The following TBC1D25 variants were observed in gnomAD, a reference collection of about 807,000 sequenced individuals.
The protein encoded by TBC1D25 is TBC1 domain family member 25.
Under a neutral mutation model 38.8 loss-of-function variants are expected in TBC1D25, and 13 were observed. The observed-to-expected ratio is 0.34, with a 90% CI of 0.22 to 0.53. The LOEUF (loss-of-function observed/expected upper bound fraction) is 0.53. Among genes scored for constraint, TBC1D25 ranks in the 20% least tolerant of loss-of-function variants. The probability of loss-of-function intolerance (pLI) is 0.94; values close to 1 mark genes in which losing one functional copy is unlikely to be tolerated. For missense variants in TBC1D25, 372 were observed against 600.0 expected (o/e 0.62, Z 3.97); for synonymous variants, 225 against 255.6 (o/e 0.88, Z 1.14).
intron 3 of TBC1D25, among the ~76,000 whole-genome samples, chrX:48,555,222 G>A (rs782583524): frequency 9.0e-6 from 1 of 111,183 alleles, no homozygotes; most frequent in East Asian, 2.8e-4. Context: ...AGAGGAGGAG[G>A]CCATGTCTAG....
chrX:48,559,566 A>G (rs2062004193), intron 5 of TBC1D25, 48 bp from the exon 6 acceptor site: 3 of 1,180,335 alleles, frequency 2.5e-6, no homozygotes, highest in Non-Finnish European at 3.4e-6. Context: ...ACATTGGGGT[A>G]TGGTTTATCT....
chrX:48,543,871 GAGACT>G (rs2061861623), intron 2 of TBC1D25, among the ~76,000 whole-genome samples: 4 of 94,656 alleles, frequency 4.2e-5, no homozygotes, highest in African/African-American at 1.8e-4. Context: ...GCGACAGAGT[GAGACT>G]CCGTCTCAAA....
At chrX:48,558,855 T>C in intron 3 of TBC1D25, 42 bp from the exon 4 acceptor site, 3 of 1,207,071 alleles carry the variant, frequency 2.5e-6, no homozygotes, top group Non-Finnish European at 3.4e-6. Context: ...GAGGTCTGGG[T>C]TATCATCCCC....
At position 48,559,698 on chromosome X, in the gene TBC1D25, G is replaced by A. The variant is rs1556985480; in HGVS notation, c.790G>A (p.Glu264Lys). Residue 264 changes from glutamate (E) to lysine (K), a missense_variant, in exon 6 of 6, where the codon GAG (glutamate) becomes AAG (lysine). Transcript: ENST00000376771. Reference protein sequence around the residue: ...RMDYMKRKSREYEQLKSEWAQ... With the variant: ...RMDYMKRKSRKYEQLKSEWAQ... ...GGACTACATGAAACGCAAGAGCCGC[G>A]AGTATGAGCAGCTCAAGAGCGAGTG... is the stretch of plus-strand genomic sequence containing the variant. The A allele has an allele frequency of 1.7e-6, 2 of 1,212,028 alleles. No homozygotes were observed. The highest frequency in any genetic ancestry group is 1.7e-5 in the African/African-American group (1 of 57,892).
At chrX:48,543,490 C>G (rs1416359601) in intron 2 of TBC1D25, among the ~76,000 whole-genome samples, 1 of 106,827 alleles carries the variant, frequency 9.4e-6, no homozygotes, top group Non-Finnish European at 1.9e-5. Flanking sequence ...CCGCCTCAGC[C>G]TCCCAAAGTG....
intron 1 of TBC1D25, 97 bp downstream of exon 1, chrX:48,540,017 G>T: frequency 2.2e-6 from 2 of 925,213 alleles, no homozygotes. Flanking sequence ...TGAGATTTCG[G>T]ACATAACCTG....
At chrX:48,546,279 C>T (rs1351478264) in intron 3 of TBC1D25, among the ~76,000 whole-genome samples, 30 of 104,241 alleles carry the variant, frequency 2.9e-4, no homozygotes, top group Non-Finnish European at 4.3e-4. Context: ...TTTAGGAGGC[C>T]GAGGCGGGCA....
chrX:48,552,884 G>A (rs2061946346), intron 3 of TBC1D25, among the ~76,000 whole-genome samples: 1 of 109,167 alleles, frequency 9.2e-6, no homozygotes, highest in Admixed American at 1.0e-4. Context: ...CCTCTTCCCA[G>A]GTTCAAGCAA....
At chrX:48,547,759 G>A (rs2061898442) in intron 3 of TBC1D25, among the ~76,000 whole-genome samples, 2 of 111,025 alleles carry the variant, frequency 1.8e-5, no homozygotes, top group East Asian at 5.7e-4. Context: ...CAAACATGGC[G>A]AAACCCTGTC....
At chrX:48,558,703 C>T in intron 3 of TBC1D25, among the ~76,000 whole-genome samples, 194 bp from the exon 4 acceptor site, 1 of 111,950 alleles carries the variant, frequency 8.9e-6, no homozygotes, top group Non-Finnish European at 1.9e-5. Context: ...CCAGCCAGTT[C>T]CTGAGACATC....
At chrX:48,547,139 G>T (rs1158256769) in intron 3 of TBC1D25, among the ~76,000 whole-genome samples, 2 of 112,054 alleles carry the variant, frequency 1.8e-5, no homozygotes, top group Non-Finnish European at 3.8e-5. Context: ...TATAGATGAG[G>T]AAACTGAGGC....
Position 48,560,697 on chromosome X carries a change from C to T in TBC1D25, c.1789C>T (p.Leu597=), listed in dbSNP as rs1214506958. 8.3e-7 allele frequency: 1 copy of T among 1,210,513 alleles called. No homozygotes were observed. The highest frequency in any genetic ancestry group is 1.1e-6 in the Non-Finnish European group (1 of 895,304). Residue 597 remains leucine (L), a synonymous_variant, in exon 6 of 6, where the codon CTG becomes TTG. Coordinates refer to ENST00000376771, the MANE Select transcript of TBC1D25 (RefSeq NM_002536.4). ...VGSPKDPGKS[L]PPVPPMGLPP... ...CTCCCCGAAAGACCCTGGAAAGTCC[C>T]TGCCACCTGTACCACCAATGGGCCT...
chrX:48,539,726 G>A lies in TBC1D25; in HGVS notation c.-72G>A, dbSNP rs77810867. On this transcript the variant is annotated 5_prime_UTR_variant, in exon 1 of 6. Coordinates refer to ENST00000376771, the MANE Select transcript of TBC1D25 (RefSeq NM_002536.4). ...CCCGGCACGAGGTGGGGCGGCGGGC[G>A]TCAGTACAGTAGAGTGTGCGCCGGG... The A allele has an allele frequency of 0.067, 62,115 of 932,780 alleles. 1,672 individuals carry two copies. The highest frequency in any genetic ancestry group is 0.075 in the Non-Finnish European group (56,794 of 752,787). The allele number at this position is 932,780 out of a possible 1,213,427, so 76.9% of individuals were successfully genotyped here.
intron 3 of TBC1D25, among the ~76,000 whole-genome samples, chrX:48,553,664 G>A (rs1343008015): frequency 6.2e-5 from 6 of 96,275 alleles, no homozygotes; most frequent in Non-Finnish European, 1.0e-4. Flanking sequence ...TTTCCCAGGC[G>A]GGAGTGCAGT....
chrX:48,544,778 C>G, intron 2 of TBC1D25, 91 bp from the exon 3 acceptor site: 434 of 1,002,568 alleles, frequency 4.3e-4, no homozygotes, highest in Non-Finnish European at 5.4e-4. Flanking sequence ...GTTTTCAACG[C>G]CTTCTATATT....
chrX:48,554,659 C>T (rs1556984166), intron 3 of TBC1D25, among the ~76,000 whole-genome samples: 1 of 109,491 alleles, frequency 9.1e-6, no homozygotes. Flanking sequence ...TCCTTCATCT[C>T]AGGGAAATTT....
chrX:48,555,490 C>CTTTGGGAG (rs2061968189), intron 3 of TBC1D25, among the ~76,000 whole-genome samples: 1 of 112,481 alleles, frequency 8.9e-6, no homozygotes, highest in Middle Eastern at 4.2e-3. Context: ...CAGTGGCTCA[C>CTTTGGGAG]GCCTGTAATC....
chrX:48,545,890 G>A (rs2147173988), intron 3 of TBC1D25, among the ~76,000 whole-genome samples: 1 of 111,524 alleles, frequency 9.0e-6, no homozygotes, highest in Admixed American at 9.7e-5. Context: ...AGAAGAGAGT[G>A]AACCCACACC....
At chrX:48,551,316 C>A (rs782261517) in intron 3 of TBC1D25, among the ~76,000 whole-genome samples, 36 of 102,213 alleles carry the variant, frequency 3.5e-4, no homozygotes, top group South Asian at 8.1e-4. Flanking sequence ...TGTAGACATT[C>A]TTTGCCTGTT....
Sources: gnomAD v4.1 joint callset for allele counts (sites outside exome capture counted in the v4.1 genomes callset) on GRCh38, gnomAD v4.1.1 for gene constraint, MANE v1.5 for transcripts, NCBI Gene and HGNC (gene_info 2026-07-23, HGNC 2026-07-21) for gene names.